The following RUVBL1 variants were observed in gnomAD, a reference collection of about 807,000 sequenced individuals.
The protein encoded by RUVBL1 is RuvB like AAA ATPase 1.
RUVBL1 carries 4 observed loss-of-function variants against 52.4 expected under a neutral mutation model. The ratio of observed to expected loss-of-function variants is 0.08; its 90% CI spans 0.04 to 0.17. RUVBL1 has a LOEUF of 0.17. RUVBL1 is among the 10% of genes least tolerant of loss of function. The probability of loss-of-function intolerance (pLI) is 1.00; values close to 1 mark genes in which losing one functional copy is unlikely to be tolerated. For missense variants in RUVBL1, 298 were observed against 572.8 expected (o/e 0.52, Z 4.90); for synonymous variants, 217 against 214.4 (o/e 1.01, Z -0.10).
At chr3:128,123,095 C>A (rs1943690916) in intron 1 of RUVBL1, among the ~76,000 whole-genome samples, 1 of 152,184 alleles carries the variant, frequency 6.6e-6, no homozygotes, top group South Asian at 2.1e-4. Context: ...CTACTTTAAA[C>A]CGTCCCATAG....
chr3:128,136,914 A>G (rs1352520470), intron 1 of RUVBL1, among the ~76,000 whole-genome samples: 1 of 152,184 alleles, frequency 6.6e-6, no homozygotes, highest in Non-Finnish European at 1.5e-5. Flanking sequence ...TAGAAAGCAA[A>G]TAGTATTAGA....
intron 1 of RUVBL1, among the ~76,000 whole-genome samples, chr3:128,121,990 G>A (rs1943661308): frequency 6.6e-6 from 1 of 152,208 alleles, no homozygotes; most frequent in Non-Finnish European, 1.5e-5. Flanking sequence ...TTTCAGGGAG[G>A]TTACTGATGT....
At chr3:128,121,244 T>A (rs1421395025) in intron 1 of RUVBL1, among the ~76,000 whole-genome samples, 1 of 151,454 alleles carries the variant, frequency 6.6e-6, no homozygotes, top group African/African-American at 2.4e-5. Flanking sequence ...TACAGGCGCA[T>A]ACCACCACAC....
intron 9 of RUVBL1, among the ~76,000 whole-genome samples, chr3:128,073,239 C>T (rs1005802765): frequency 2.0e-5 from 3 of 152,192 alleles, no homozygotes; most frequent in Admixed American, 6.5e-5. Flanking sequence ...GGAGCTTCCC[C>T]TTGCTGCCCT....
In RUVBL1 at chr3:128,123,502, GC is replaced by G; in HGVS notation, c.141+81del. On this transcript the variant is annotated intron_variant, in intron 1 of 10. Coordinates refer to ENST00000322623, the MANE Select transcript of RUVBL1 (RefSeq NM_003707.3). The stretch of plus-strand genomic sequence containing the variant: ...GGGAGACCCCTGGCGCGCGCATCCC[GC>G]CCCGAGCCACCGACTTCAGCAGCTC... 5.1e-6 allele frequency: 7 copies of G among 1,382,252 alleles called. No homozygotes were observed. The South Asian group carries it at 1.1e-4, about 21-fold the overall frequency. The allele number at this position is 1,382,252 out of a possible 1,614,324, so 85.6% of individuals were successfully genotyped here.
chr3:128,074,985 G>A (rs1942270023), intron 9 of RUVBL1: 2 of 152,112 alleles, frequency 1.3e-5, no homozygotes, highest in Admixed American at 1.3e-4. Flanking sequence ...AAGACTGACT[G>A]GCAGGCAGAC....
At chr3:128,096,994 TATA>T (rs1007309288) in intron 8 of RUVBL1, among the ~76,000 whole-genome samples, 2 of 152,152 alleles carry the variant, frequency 1.3e-5, no homozygotes, top group Non-Finnish European at 2.9e-5. Flanking sequence ...CGTTCATGTG[TATA>T]ATGTCATCAA....
intron 1 of RUVBL1, among the ~76,000 whole-genome samples, chr3:128,142,362 T>C (rs1241370076): frequency 6.6e-6 from 1 of 152,152 alleles, no homozygotes; most frequent in Non-Finnish European, 1.5e-5. Flanking sequence ...CAAATTGTGG[T>C]CCTGGGTCTA....
chr3:128,067,988 A>C lies in RUVBL1; in HGVS notation c.940-2768T>G, dbSNP rs780433969. 1 of 1,613,932 alleles carries C rather than the reference A, an allele frequency of 6.2e-7. No homozygotes were observed. Among genetic ancestry groups the C allele is most frequent in the South Asian group, 1.1e-5 (1 of 91,070 alleles). ...CCCCTGTGGGCACCCTGCAGGTTGC[A>C]AAGCAGCTGAAGGAGCAGCAGATGG... On this transcript the variant is annotated intron_variant, in intron 9 of 9. Coordinates refer to the RUVBL1 transcript ENST00000464873. The surrounding 1 kb of genome is among the most constrained non-coding windows in gnomAD (Gnocchi z 4.1).
chr3:128,101,097 G>A (rs1943098996), intron 5 of RUVBL1, among the ~76,000 whole-genome samples: 1 of 152,206 alleles, frequency 6.6e-6, no homozygotes, highest in South Asian at 2.1e-4. Flanking sequence ...ATGATATGAA[G>A]TATTATGCCC....
intron 1 of RUVBL1, among the ~76,000 whole-genome samples, chr3:128,139,553 C>A (rs1413709636): frequency 6.6e-6 from 1 of 152,156 alleles, no homozygotes; most frequent in East Asian, 1.9e-4. Context: ...ATAAAAAATG[C>A]TGGTGACAAT....
chr3:128,124,418 A>C (rs530839193), upstream of RUVBL1, among the ~76,000 whole-genome samples: 20 of 152,300 alleles, frequency 1.3e-4, no homozygotes, highest in African/African-American at 4.8e-4. Flanking sequence ...GCTACAAACA[A>C]GCGGAAAGAG....
intron 9 of RUVBL1, chr3:128,068,068 T>G (rs1942038835): frequency 6.2e-7 from 1 of 1,610,992 alleles, no homozygotes; most frequent in Admixed American, 1.7e-5. Context: ...CGGTGAGTGG[T>G]GGCCCCAGGT....
Position 128,118,122 on chromosome 3 carries a change from G to A in RUVBL1, c.228+1206C>T, listed in dbSNP as rs547978091. ...ACTTTAGGAAGAAGAAAAATGGAGG[G>A]AAAGAGAAGGTCTAAGATATAAGGA... On this transcript the variant is annotated intron_variant, in intron 2 of 10. Coordinates refer to ENST00000322623, the MANE Select transcript of RUVBL1 (RefSeq NM_003707.3). 2.0e-5 allele frequency among the ~76,000 whole-genome samples: 3 copies of A among 152,282 alleles called. No homozygotes were observed. The South Asian group carries it at 6.2e-4, about 32-fold the overall frequency.
intron 1 of RUVBL1, among the ~76,000 whole-genome samples, chr3:128,141,048 T>C (rs1944013475): frequency 6.6e-6 from 1 of 152,204 alleles, no homozygotes; most frequent in Admixed American, 6.5e-5. Context: ...ATTTTTGTGG[T>C]TTCTGACTAT....
chr3:128,123,445 G>A (rs972700908), intron 1 of RUVBL1, 139 bp downstream of exon 1: 7 of 1,101,092 alleles, frequency 6.4e-6, no homozygotes, highest in Non-Finnish European at 8.7e-6. Context: ...CGAGCCCCTG[G>A]CCCATTTTCA....
chr3:128,098,159 G>T (rs1326234468), intron 7 of RUVBL1, among the ~76,000 whole-genome samples: 1 of 152,128 alleles, frequency 6.6e-6, no homozygotes, highest in African/African-American at 2.4e-5. Context: ...ACCAGCTCCT[G>T]TGTTATCATC....
intron 9 of RUVBL1, chr3:128,066,901 C>G: frequency 6.4e-7 from 1 of 1,574,512 alleles, no homozygotes; most frequent in Non-Finnish European, 8.7e-7. Flanking sequence ...TGTTTCTGTG[C>G]AGCAGGCTGA....
At chr3:128,134,326 G>A (rs114340974) in intron 1 of RUVBL1, among the ~76,000 whole-genome samples, 2,019 of 151,884 alleles carry the variant, frequency 0.013, 38 homozygotes, top group African/African-American at 0.046. Flanking sequence ...ACCTGGGCGC[G>A]GTGGTAGGCG....
Sources: allele counts gnomAD v4.1 joint callset (sites outside exome capture counted in the v4.1 genomes callset), GRCh38; gene constraint gnomAD v4.1.1; non-coding constraint Gnocchi (gnomAD v3.1); transcripts MANE v1.5; gene names NCBI Gene and HGNC (gene_info 2026-07-23, HGNC 2026-07-21).